ARID3A: variants seen among roughly 807,000 people sequenced by gnomAD.
ARID3A encodes AT-rich interactive domain-containing protein 3A.
A neutral mutation model predicts 52.7 loss-of-function variants in ARID3A; 11 were observed. The ratio of observed to expected loss-of-function variants is 0.21; its 90% CI spans 0.13 to 0.35. The LOEUF is 0.35. Among genes scored for constraint, ARID3A ranks in the 10% least tolerant of loss-of-function variants. ARID3A has a pLI of 1.00. For missense variants in ARID3A, 721 were observed against 838.5 expected, an observed-to-expected ratio of 0.86 and a Z score of 1.73; for synonymous variants, 404 against 359.4, an observed-to-expected ratio of 1.12 and a Z score of -1.40.
At chr19:943,606 G>A (rs569248387) in intron 3 of ARID3A, among the ~76,000 whole-genome samples, 22 of 152,132 alleles carry the variant, frequency 1.4e-4, no homozygotes, top group Middle Eastern at 3.4e-3. Context: ...ATTTGGACAC[G>A]GACACGTAGG....
chr19:960,359 G>A lies in ARID3A; in HGVS notation c.766+195G>A, dbSNP rs1307890563. ...CCTGCCATGGAGGTTTGACGCGGGA[G>A]GCACGCCTGTGAGTCTAAGGGGTAG... On this transcript the variant is annotated intron_variant, in intron 4 of 8. Coordinates refer to ENST00000263620, the MANE Select transcript of ARID3A (RefSeq NM_005224.3). The surrounding 1 kb of genome is among the most constrained non-coding windows in gnomAD (Gnocchi z 4.3). Among the ~76,000 whole-genome samples, 1 of 152,082 alleles carries A rather than the reference G, an allele frequency of 6.6e-6. No homozygotes were observed. Among genetic ancestry groups the A allele is most frequent in the Non-Finnish European group, 1.5e-5 (1 of 67,996 alleles).
intron 3 of ARID3A, among the ~76,000 whole-genome samples, chr19:958,668 C>T (rs186179414): frequency 8.4e-4 from 127 of 152,004 alleles, no homozygotes; most frequent in African/African-American, 2.7e-3. Flanking sequence ...CCGAGGCGGG[C>T]GGATCACGAG....
intron 2 of ARID3A, among the ~76,000 whole-genome samples, chr19:931,910 G>T (rs1173426109): frequency 6.6e-6 from 1 of 152,148 alleles, no homozygotes; most frequent in Non-Finnish European, 1.5e-5. Flanking sequence ...AGATGGCGGT[G>T]GGAGAATTCT....
intron 1 of ARID3A, among the ~76,000 whole-genome samples, chr19:928,020 G>A (rs2037237102): frequency 6.6e-6 from 1 of 152,090 alleles, no homozygotes; most frequent in Non-Finnish European, 1.5e-5. Context: ...TGTCTGCTGT[G>A]CAACACTGAC....
chr19:952,347 C>G (rs146288715), intron 3 of ARID3A, among the ~76,000 whole-genome samples: 1 of 135,842 alleles, frequency 7.4e-6, no homozygotes, highest in East Asian at 2.2e-4. Context: ...GAGGCTGAGG[C>G]AGGAGGATCA....
In ARID3A at chr19:929,142, C is replaced by T. The variant is rs1344642361; in HGVS notation, c.-267-120C>T. 2 of 160,668 alleles carry T rather than the reference C, an allele frequency of 1.2e-5. No individual in the cohort carries two copies. The highest frequency in any genetic ancestry group is 4.8e-5 in the African/African-American group (2 of 41,660). 10.0% of individuals were successfully genotyped at this position (160,668 alleles called of 1,614,324 possible). On this transcript the variant is annotated intron_variant, in intron 1 of 8. Transcript: ENST00000263620. The surrounding 1 kb of genome is among the most constrained non-coding windows in gnomAD (Gnocchi z 6.2). ...TGCGCCTCTGCCTCCAAGAAGGCCT[C>T]CAGGTCTGCATCCTGCATGAGATGG...
At chr19:968,799 C>T (rs2038218146) in intron 8 of ARID3A, 1 of 253,712 alleles carries the variant, frequency 3.9e-6, no homozygotes, top group Admixed American at 5.2e-5. Context: ...CAGACATGCA[C>T]CAGCACACCT....
intron 3 of ARID3A, among the ~76,000 whole-genome samples, chr19:937,798 C>G (rs575233306): frequency 6.6e-6 from 1 of 151,086 alleles, no homozygotes; most frequent in South Asian, 2.1e-4. Flanking sequence ...CCTCCACCTC[C>G]CGGGTTCACG....
At chr19:948,388 C>G (rs186076384) in intron 3 of ARID3A, among the ~76,000 whole-genome samples, 4 of 152,102 alleles carry the variant, frequency 2.6e-5, no homozygotes, top group African/African-American at 9.7e-5. Flanking sequence ...GTTTCCGGGA[C>G]GGGAAAAACA....
Position 973,104 on chromosome 19 carries a change from A to AGTTTTTTTTTTTTTTTTTTT in ARID3A, c.*1039_*1040insGTTTTTTTTTTTTTTTTTTT, listed in dbSNP as rs2038314500. The AGTTTTTTTTTTTTTTTTTTT allele has an allele frequency of 1.9e-5, 1 of 53,488 alleles. No individual in the cohort carries two copies. The highest frequency in any genetic ancestry group is 3.4e-5 in the Non-Finnish European group (1 of 29,006). 3.3% of individuals were successfully genotyped at this position (53,488 alleles called of 1,614,324 possible). On this transcript the variant is annotated 3_prime_UTR_variant, in exon 9 of 9. Transcript: ENST00000263620. ...GGGCTCTCGAGTCAGGGGCCTGGAA[A>AGTTTTTTTTTTTTTTTTTTT]TTTTTTTTTTTTTTTTTTTTTGAGA...
intron 3 of ARID3A, among the ~76,000 whole-genome samples, chr19:936,318 C>T (rs1012002616): frequency 6.6e-6 from 1 of 152,178 alleles, no homozygotes; most frequent in African/African-American, 2.4e-5. Context: ...TGTGGGAGGC[C>T]GAGATGGGCA....
In ARID3A at chr19:973,557, G is replaced by A. The variant is rs1314709698; in HGVS notation, c.*1492G>A. 4.4e-6 allele frequency: 1 copy of A among 224,806 alleles called. No homozygotes were observed. The highest frequency in any genetic ancestry group is 6.4e-5 in the East Asian group (1 of 15,724). 13.9% of individuals were successfully genotyped at this position (224,806 alleles called of 1,614,324 possible). ...GATTCTTCTCTTGCCCGAAAGGGCTGCTTTTGAGGACTATCAATACTGGGG... is the reference window on the plus strand; with the variant it reads ...GATTCTTCTCTTGCCCGAAAGGGCTACTTTTGAGGACTATCAATACTGGGG... On this transcript the variant is annotated 3_prime_UTR_variant, in exon 9 of 9. Transcript: ENST00000263620.
At chr19:963,689 G>T (rs1001408932) in intron 4 of ARID3A, among the ~76,000 whole-genome samples, 1 of 152,166 alleles carries the variant, frequency 6.6e-6, no homozygotes, top group African/African-American at 2.4e-5. Flanking sequence ...CCCTGGCATA[G>T]CGTAGCCCAC....
chr19:942,651 G>A lies in ARID3A; in HGVS notation c.693+9909G>A, dbSNP rs952475659. 3.9e-5 allele frequency among the ~76,000 whole-genome samples: 6 copies of A among 152,168 alleles called. No individual in the cohort carries two copies. The highest frequency in any genetic ancestry group is 8.8e-5 in the Non-Finnish European group (6 of 68,004). Reference sequence around the variant, plus strand: ...GGTGGGCAGGGAGTAGGTGGAGGCCGCCCCTCCCACTGCCCCGCAGGCCCT... The same window carrying A: ...GGTGGGCAGGGAGTAGGTGGAGGCCACCCCTCCCACTGCCCCGCAGGCCCT... On this transcript the variant is annotated intron_variant, in intron 3 of 8. Transcript: ENST00000263620. This position sits in a 1 kb window ranked among gnomAD's most constrained non-coding sequence, Gnocchi z 8.1.
chr19:969,284 T>C (rs2038228388), intron 8 of ARID3A, among the ~76,000 whole-genome samples: 1 of 151,824 alleles, frequency 6.6e-6, no homozygotes, highest in African/African-American at 2.4e-5. Context: ...TGGCTATAGT[T>C]CCAGCACTTC....
At chr19:925,974 A>C (rs1016226333), upstream of ARID3A, 1 of 8,538 alleles carries the variant, frequency 1.2e-4, no homozygotes, top group South Asian at 4.9e-3. Context: ...GGGGTGGGGG[A>C]GGGGCGGGGC....
At position 932,490 on chromosome 19, in the gene ARID3A, C is replaced by T. The variant is rs867742749; in HGVS notation, c.441C>T (p.Tyr147=). The change falls in exon 3 of 9, where the codon TAC becomes TAT. Residue 147 remains tyrosine (Y), a synonymous_variant. Coordinates refer to ENST00000263620, the MANE Select transcript of ARID3A (RefSeq NM_005224.3). ...GEDEEEEEED[Y]EDEEEEEDEE... is the part of the protein sequence containing the mutation. ...ATGAGGAGGAGGAGGAGGAGGATTACGAGGATGAGGAGGAGGAGGAGGACG... is the reference window on the plus strand; with the variant it reads ...ATGAGGAGGAGGAGGAGGAGGATTATGAGGATGAGGAGGAGGAGGAGGACG... The T allele has an allele frequency of 1.5e-5, 23 of 1,568,776 alleles. No homozygotes were observed. Among genetic ancestry groups the T allele is most frequent in the Middle Eastern group, 1.9e-4 (1 of 5,162 alleles).
chr19:973,528 T>C lies in ARID3A; in HGVS notation c.*1463T>C, dbSNP rs1568378616. 2 of 219,946 alleles carry C rather than the reference T, an allele frequency of 9.1e-6. No homozygotes were observed. Among genetic ancestry groups the C allele is most frequent in the Non-Finnish European group, 1.8e-5 (2 of 109,698 alleles). 13.6% of individuals were successfully genotyped at this position (219,946 alleles called of 1,614,324 possible). ...TCTCAGGGATGAATGTGGCGTCTCA[T>C]TGGGATTCTTCTCTTGCCCGAAAGG... is the stretch of plus-strand genomic sequence containing the variant. On this transcript the variant is annotated 3_prime_UTR_variant, in exon 9 of 9. Transcript: ENST00000263620.
At chr19:939,264 G>A (rs1032552543) in intron 3 of ARID3A, among the ~76,000 whole-genome samples, 9 of 151,850 alleles carry the variant, frequency 5.9e-5, no homozygotes, top group African/African-American at 1.7e-4. Context: ...GACTACAGGC[G>A]CCCACCACCA....
Sources: gnomAD v4.1 joint callset for allele counts (sites outside exome capture counted in the v4.1 genomes callset) on GRCh38, gnomAD v4.1.1 for gene constraint, Gnocchi (gnomAD v3.1) non-coding constraint, MANE v1.5 for transcripts, NCBI Gene and HGNC (gene_info 2026-07-23, HGNC 2026-07-21) for gene names.